DEFB134: variants seen among roughly 807,000 people sequenced by gnomAD.
The protein encoded by DEFB134 is defensin beta 134, also known as beta-defensin 134.
Under a neutral mutation model 7.4 loss-of-function variants are expected in DEFB134, and 7 were observed. That is an observed-to-expected ratio of 0.95 (90% CI 0.54 to 1.79). DEFB134 has a LOEUF of 1.79. Among genes scored for constraint, DEFB134 ranks in the 40% most tolerant of loss-of-function variants. The probability of loss-of-function intolerance (pLI) is 0.00; values close to 1 mark genes in which losing one functional copy is unlikely to be tolerated. For synonymous variants in DEFB134, 33 were observed against 25.0 expected (o/e 1.32, Z -0.96); for missense variants, 105 against 74.8 (o/e 1.40, Z -1.49).
chr8:12,000,529 A>T (rs780779220), upstream of DEFB134, among the ~76,000 whole-genome samples: 1 of 152,198 alleles, frequency 6.6e-6, no homozygotes, highest in Non-Finnish European at 1.5e-5. Flanking sequence ...ACTGAACTCT[A>T]TATATACAGT....
intron 1 of DEFB134, among the ~76,000 whole-genome samples, chr8:11,995,557 T>A (rs1268177923): frequency 6.6e-6 from 1 of 152,212 alleles, no homozygotes; most frequent in Non-Finnish European, 1.5e-5. Flanking sequence ...TGCTATCTCA[T>A]CTGATCAGGC....
chr8:11,995,162 CT>C (rs1478793337), intron 1 of DEFB134, among the ~76,000 whole-genome samples: 7 of 152,140 alleles, frequency 4.6e-5, no homozygotes, highest in African/African-American at 1.7e-4. Flanking sequence ...GAGACAAGAA[CT>C]TTCAATGGAA....
rs548152631 is a variant in DEFB134, at chr8:11,994,943, A to T, written c.59-821T>A. Reference sequence around the variant, plus strand: ...TGTGAGTTTGAAGGAGGATGAAATCAATTCTGAAGATTTGAGAAGTCTTAT... The same window carrying T: ...TGTGAGTTTGAAGGAGGATGAAATCTATTCTGAAGATTTGAGAAGTCTTAT... On this transcript the variant is annotated intron_variant, in intron 1 of 1. Transcript: ENST00000526438. Among the ~76,000 whole-genome samples, 12 of 152,330 alleles carry T rather than the reference A, an allele frequency of 7.9e-5. No individual in the cohort carries two copies. The South Asian group carries it at 2.5e-3, about 32-fold the overall frequency.
exon 2 of DEFB134, chr8:11,993,843 G>A (rs550436216): frequency 1.7e-6 from 2 of 1,175,246 alleles, no homozygotes; most frequent in Admixed American, 3.1e-5. Flanking sequence ...ACAAGAGTCT[G>A]CTGGCCTATA....
At chr8:11,994,047 C>G (rs372740895) in exon 2 of DEFB134, 1 of 1,613,824 alleles carries the variant, frequency 6.2e-7, no homozygotes, top group Non-Finnish European at 8.5e-7. Context: ...TAACATTTCA[C>G]TCTCATAGCA....
chr8:12,000,059 T>C (rs1800231386), upstream of DEFB134, among the ~76,000 whole-genome samples: 1 of 152,246 alleles, frequency 6.6e-6, no homozygotes, highest in South Asian at 2.1e-4. Flanking sequence ...GCAATTGAAA[T>C]GTCCCTGTCT....
At chr8:11,994,579 G>A (rs73542308) in intron 1 of DEFB134, among the ~76,000 whole-genome samples, 1 of 152,116 alleles carries the variant, frequency 6.6e-6, no homozygotes, top group Non-Finnish European at 1.5e-5. Context: ...AAGCCACAGT[G>A]TGCGGAATTT....
upstream of DEFB134, among the ~76,000 whole-genome samples, chr8:12,000,719 C>A (rs181243862): frequency 5.3e-5 from 8 of 152,266 alleles, no homozygotes; most frequent in African/African-American, 1.7e-4. Context: ...GTGCTATGCT[C>A]ACTCTTCTTC....
At chr8:11,993,985 G>C in exon 2 of DEFB134, 1 of 1,612,784 alleles carries the variant, frequency 6.2e-7, no homozygotes, top group Non-Finnish European at 8.5e-7. Flanking sequence ...TTATGTCAGG[G>C]TGCAGGATTT....
At chr8:11,998,949 T>C (rs1337527616), upstream of DEFB134, 1 of 152,144 alleles carries the variant, frequency 6.6e-6, no homozygotes, top group Non-Finnish European at 1.5e-5. Flanking sequence ...AACTGATAAA[T>C]GCCTGGAAAA....
exon 2 of DEFB134, chr8:11,993,787 A>G: frequency 1.6e-6 from 1 of 607,534 alleles, no homozygotes; most frequent in Non-Finnish European, 2.6e-6. Flanking sequence ...TGAAAAACCG[A>G]GCTCTTTTAA....
chr8:11,996,173 C>G (rs1429271986), intron 1 of DEFB134, 21 bp downstream of exon 2: 1 of 1,613,292 alleles, frequency 6.2e-7, no homozygotes, highest in East Asian at 2.2e-5. Flanking sequence ...ACCCCTACCC[C>G]CCAAAATATG....
chr8:12,000,690 T>A (rs917271994), upstream of DEFB134, among the ~76,000 whole-genome samples: 10 of 152,186 alleles, frequency 6.6e-5, no homozygotes, highest in Non-Finnish European at 1.0e-4. Flanking sequence ...GAACTCTGTC[T>A]CCCCCAAAAT....
chr8:11,993,879 G>C lies in DEFB134; in HGVS notation c.*101C>G, dbSNP rs553848812. On this transcript the variant is annotated 3_prime_UTR_variant, in exon 2 of 2. Coordinates refer to ENST00000526438, the Ensembl canonical transcript of DEFB134. ...AAAATGCTAAAAACCAGTAGTCATG[G>C]ACACATCATGGTGTCACAGTTTGAT... 4.9e-5 allele frequency: 73 copies of C among 1,481,222 alleles called. No individual in the cohort carries two copies. In the East Asian group the frequency reaches 1.6e-3, roughly 32 times the overall value. 91.8% of individuals were successfully genotyped at this position (1,481,222 alleles called of 1,614,324 possible).
chr8:12,000,587 T>A (rs1800244317), upstream of DEFB134, among the ~76,000 whole-genome samples: 1 of 152,152 alleles, frequency 6.6e-6, no homozygotes, highest in Admixed American at 6.5e-5. Flanking sequence ...AATTTATAAA[T>A]TTGGCACAGT....
upstream of DEFB134, among the ~76,000 whole-genome samples, chr8:11,996,720 A>T (rs1800134148): frequency 6.6e-6 from 1 of 152,210 alleles, no homozygotes; most frequent in African/African-American, 2.4e-5. Context: ...ATTTATGCCT[A>T]GTTTGTTGTT....
intron 1 of DEFB134, among the ~76,000 whole-genome samples, chr8:11,994,961 A>G (rs947646263): frequency 6.6e-6 from 1 of 152,226 alleles, no homozygotes; most frequent in African/African-American, 2.4e-5. Context: ...AGATTTGAGA[A>G]GTCTTATTGA....
chr8:11,994,077 T>C lies in DEFB134; in HGVS notation c.104A>G (p.Asn35Ser), dbSNP rs766296940. The change falls in exon 2 of 2, where the codon AAT becomes AGT. Residue 35 changes from asparagine to serine, a missense_variant. Transcript: ENST00000526438. ...ATAGCATTCAAGTCTGCAGATGCCA[T>C]TTTTATAGCATTTCTTGTGCATTTC... is the stretch of plus-strand genomic sequence containing the variant. 4.3e-6 allele frequency: 7 copies of C among 1,613,720 alleles called. No homozygotes were observed. In the South Asian group the frequency reaches 6.6e-5, roughly 15 times the overall value.
chr8:11,996,172 C>G lies in DEFB134; in HGVS notation c.58+22G>C, dbSNP rs756679070. 2.1e-5 allele frequency: 34 copies of G among 1,613,106 alleles called. 1 individual carries two copies. In the South Asian group the frequency reaches 3.6e-4, roughly 17 times the overall value. On this transcript the variant is annotated intron_variant, in intron 1 of 1. Transcript: ENST00000526438. Reference sequence around the variant, plus strand: ...TTCTTCTATATGAAGCACCCCTACCCCCCAAAATATGCCAGTTTTACCTGC... The same window carrying G: ...TTCTTCTATATGAAGCACCCCTACCGCCCAAAATATGCCAGTTTTACCTGC...
Sources: allele counts gnomAD v4.1 joint callset (sites outside exome capture counted in the v4.1 genomes callset), GRCh38; gene constraint gnomAD v4.1.1; transcripts MANE v1.5; gene names NCBI Gene and HGNC (gene_info 2026-07-23, HGNC 2026-07-21).